Variants in HPGDS observed in about 807,000 individuals in gnomAD.
HPGDS encodes the protein hematopoietic prostaglandin D synthase.
In HPGDS, 26 loss-of-function variants were observed where a neutral mutation model predicts 23.1. The observed-to-expected ratio is 1.13, with a 90% CI of 0.83 to 1.56. The LOEUF is 1.56. HPGDS is among the 40% of genes most tolerant of loss of function. HPGDS has a pLI of 0.00. For missense variants in HPGDS, 268 were observed against 236.4 expected (o/e 1.13, Z -0.88); for synonymous variants, 95 against 77.9 (o/e 1.22, Z -1.16).
chr4:94,302,239 C>G lies in HPGDS; in HGVS notation c.342G>C (p.Gln114His), dbSNP rs1201379924. ...WAEKKQDVKEQMFNELLTYNA... is the reference protein window; with the variant it reads ...WAEKKQDVKEHMFNELLTYNA... ...TATACGTGAGCAGCTCATTGAACAT[C>G]TGCTCCTAGGAGAAGGAGAAAATAT... The change falls in exon 5 of 6, where the codon CAG becomes CAC. Residue 114 changes from glutamine to histidine, a missense_variant. Transcript: ENST00000295256. 5 of 1,606,854 alleles carry G rather than the reference C, an allele frequency of 3.1e-6. No individual in the cohort carries two copies. Among genetic ancestry groups the G allele is most frequent in the Non-Finnish European group, 4.3e-6 (5 of 1,175,102 alleles).
chr4:94,311,996 A>AT (rs747347184), intron 3 of HPGDS, among the ~76,000 whole-genome samples: 1 of 151,938 alleles, frequency 6.6e-6, no homozygotes, highest in Non-Finnish European at 1.5e-5. Context: ...CCCCTTTATC[A>AT]TTTTTTATTG....
intron 1 of HPGDS, among the ~76,000 whole-genome samples, chr4:94,340,309 C>CT (rs1560597992): frequency 1.7e-4 from 5 of 28,764 alleles, no homozygotes; most frequent in Non-Finnish European, 2.6e-4. Context: ...TTCTTTCTTT[C>CT]TCTTTTTTTT....
At chr4:94,336,205 CAAAAA>C (rs11349997) in intron 1 of HPGDS, among the ~76,000 whole-genome samples, 30 of 119,826 alleles carry the variant, frequency 2.5e-4, no homozygotes, top group African/African-American at 8.7e-4. Flanking sequence ...GACGCCGTCT[CAAAAA>C]AAAAAAAAAA....
At position 94,308,618 on chromosome 4, in the gene HPGDS, A is replaced by C; in HGVS notation, c.336+16T>G. On this transcript the variant is annotated intron_variant, in intron 4 of 5. Coordinates refer to ENST00000295256, the MANE Select transcript of HPGDS (RefSeq NM_014485.3). ...GTATATAATTAATACTAGGAATAGC[A>C]AATGGATCACATTACTTTCACATCT... 1 of 1,390,416 alleles carries C rather than the reference A, an allele frequency of 7.2e-7. No homozygotes were observed. The allele number at this position is 1,390,416 out of a possible 1,614,324, so 86.1% of individuals were successfully genotyped here. A position where few individuals can be genotyped will look rare whatever the true frequency, so the allele number is the denominator to read the frequency against.
intron 4 of HPGDS, among the ~76,000 whole-genome samples, chr4:94,306,863 G>A (rs574908071): frequency 3.3e-5 from 5 of 151,976 alleles, no homozygotes; most frequent in Admixed American, 2.0e-4. Context: ...AAATAAAGGG[G>A]GAGGAAATCA....
chr4:94,340,319 T>TTCTTTC, intron 1 of HPGDS, among the ~76,000 whole-genome samples: 1 of 16,350 alleles, frequency 6.1e-5, no homozygotes, highest in African/African-American at 3.0e-4. Context: ...CTCTTTTTTT[T>TTCTTTC]TTTTTTTTTT....
At chr4:94,319,478 G>A (rs1001942797) in intron 2 of HPGDS, among the ~76,000 whole-genome samples, 1 of 152,096 alleles carries the variant, frequency 6.6e-6, no homozygotes, top group Admixed American at 6.6e-5. Context: ...CAGCCACTTT[G>A]TATCTTTTTA....
intron 2 of HPGDS, among the ~76,000 whole-genome samples, chr4:94,329,013 G>T (rs1756688108): frequency 6.6e-6 from 1 of 152,072 alleles, no homozygotes; most frequent in South Asian, 2.1e-4. Flanking sequence ...TACTATTTTT[G>T]GTGCCTGAGA....
chr4:94,301,341 CT>C (rs1441814319), intron 5 of HPGDS, among the ~76,000 whole-genome samples: 2 of 152,116 alleles, frequency 1.3e-5, no homozygotes, highest in African/African-American at 2.4e-5. Flanking sequence ...GGTTGTCTAA[CT>C]TTTTTGTGAT....
intron 1 of HPGDS, among the ~76,000 whole-genome samples, chr4:94,336,475 CGA>C (rs1308668743): frequency 1.3e-5 from 2 of 152,112 alleles, no homozygotes; most frequent in South Asian, 4.1e-4. Context: ...CTTGCTAAAA[CGA>C]GAGAGCTACT....
At position 94,334,511 on chromosome 4, in the gene HPGDS, G is replaced by A; in HGVS notation, c.119C>T (p.Pro40Leu). 3 of 1,591,372 alleles carry A rather than the reference G, an allele frequency of 1.9e-6. No individual in the cohort carries two copies. Among genetic ancestry groups the A allele is most frequent in the Non-Finnish European group, 2.6e-6 (3 of 1,170,538 alleles). Reference protein sequence around the residue: ...EDHRIEQADWPEIKSTLPFGK... With the variant: ...EDHRIEQADWLEIKSTLPFGK... ...TTGCTACTTACTTGATTTGATTTCA[G>A]GCCAGTCAGCTTGTTCTATTCTGTG... Residue 40 changes from proline (P) to leucine (L), a missense_variant, in exon 2 of 6, where the codon CCT becomes CTT. Transcript: ENST00000295256.
intron 1 of HPGDS, 71 bp from the exon 2 acceptor site, chr4:94,334,709 T>G: frequency 6.9e-7 from 1 of 1,451,706 alleles, no homozygotes. Context: ...TCTTCAGAAT[T>G]TTTTGGAAAA....
At chr4:94,332,158 G>A (rs1314213122) in intron 2 of HPGDS, among the ~76,000 whole-genome samples, 1 of 152,090 alleles carries the variant, frequency 6.6e-6, no homozygotes, top group Non-Finnish European at 1.5e-5. Context: ...GGACTTCGGA[G>A]GAGAGATGAC....
chr4:94,323,112 A>G (rs1756551509), intron 2 of HPGDS, among the ~76,000 whole-genome samples: 1 of 152,200 alleles, frequency 6.6e-6, no homozygotes, highest in African/African-American at 2.4e-5. Flanking sequence ...GTTTGATTGC[A>G]CTGTGGTCTG....
chr4:94,325,201 C>T (rs1413285716), intron 2 of HPGDS, among the ~76,000 whole-genome samples: 1 of 152,220 alleles, frequency 6.6e-6, no homozygotes, highest in African/African-American at 2.4e-5. Flanking sequence ...TCAGCCCCTA[C>T]TGGGAGCTAT....
At chr4:94,332,584 G>A (rs1420713250) in intron 2 of HPGDS, among the ~76,000 whole-genome samples, 2 of 152,236 alleles carry the variant, frequency 1.3e-5, no homozygotes, top group Admixed American at 1.3e-4. Context: ...CGCCCAAAGC[G>A]GTCAGCTGGA....
At chr4:94,307,166 G>A (rs1756154657) in intron 4 of HPGDS, among the ~76,000 whole-genome samples, 1 of 151,726 alleles carries the variant, frequency 6.6e-6, no homozygotes, top group Middle Eastern at 3.4e-3. Flanking sequence ...CTATAAACAA[G>A]TTTGAGAATA....
At chr4:94,322,063 C>T (rs1756522727) in intron 2 of HPGDS, among the ~76,000 whole-genome samples, 1 of 152,056 alleles carries the variant, frequency 6.6e-6, no homozygotes, top group South Asian at 2.1e-4. Flanking sequence ...TGATGGATTA[C>T]ATTTATTGAT....
chr4:94,318,839 A>G (rs1000644347), intron 2 of HPGDS, among the ~76,000 whole-genome samples: 8 of 152,104 alleles, frequency 5.3e-5, no homozygotes, highest in African/African-American at 1.9e-4. Context: ...CAGCCTCCTG[A>G]GTAGCCAGGA....
Sources: gnomAD v4.1 joint callset for allele counts (sites outside exome capture counted in the v4.1 genomes callset) on GRCh38, gnomAD v4.1.1 for gene constraint, MANE v1.5 for transcripts, NCBI Gene and HGNC (gene_info 2026-07-23, HGNC 2026-07-21) for gene names.